Variants in CC2D1A observed in about 807,000 individuals in gnomAD.
CC2D1A encodes the protein coiled-coil and C2 domain containing 1A, also known as coiled-coil and C2 domain-containing protein 1A.
In CC2D1A, 68 loss-of-function variants were observed where a neutral mutation model predicts 123.8. The observed-to-expected ratio is 0.55, with a 90% CI of 0.45 to 0.67. The LOEUF (loss-of-function observed/expected upper bound fraction) is 0.67, where lower values mean the gene tolerates loss of function less well. Among genes scored for constraint, CC2D1A ranks in the 30% least tolerant of loss-of-function variants. The pLI is 0.00. For synonymous variants in CC2D1A, 477 were observed against 528.0 expected, an observed-to-expected ratio of 0.90 and a Z score of 1.32; for missense variants, 1,185 against 1,290.3, an observed-to-expected ratio of 0.92 and a Z score of 1.25.
rs373232030 is a variant in CC2D1A at position 13,927,313 on chromosome 19, C to T, written c.2316+48C>T. 1.4e-4 allele frequency: 206 copies of T among 1,461,224 alleles called. No homozygotes were observed. The South Asian group carries it at 2.1e-3, about 15-fold the overall frequency. The allele number at this position is 1,461,224 out of a possible 1,614,324, so 90.5% of individuals were successfully genotyped here. ...CGTGCTCCGGTATGGCCATGCTACT[C>T]GTTAACATTATTAAAACACTTCCTG... On this transcript the variant is annotated intron_variant, in intron 22 of 28. Transcript: ENST00000318003.
intron 1 of CC2D1A, among the ~76,000 whole-genome samples, chr19:13,907,750 A>G (rs1416478314): frequency 6.6e-6 from 1 of 152,196 alleles, no homozygotes; most frequent in African/African-American, 2.4e-5. Flanking sequence ...GAGACCCTAC[A>G]TTACAGGACA....
intron 14 of CC2D1A, among the ~76,000 whole-genome samples, chr19:13,922,388 G>C (rs1971439999): frequency 6.6e-6 from 1 of 152,170 alleles, no homozygotes; most frequent in Non-Finnish European, 1.5e-5. Flanking sequence ...CAACCTCAGG[G>C]CCTTTGCACA....
rs911533826 is a variant in CC2D1A at position 13,930,670 on chromosome 19, G to A, written c.*275G>A. 3.6e-5 allele frequency: 18 copies of A among 503,276 alleles called. No homozygotes were observed. Among genetic ancestry groups the A allele is most frequent in the Non-Finnish European group, 5.2e-5 (15 of 286,786 alleles). The allele number at this position is 503,276 out of a possible 1,614,324, so 31.2% of individuals were successfully genotyped here. ...GGGTGTCCGGCCTCTGGCCCGCCCC[G>A]GAGCAGGGAGGGTGGCTGGGGCCAA... On this transcript the variant is annotated 3_prime_UTR_variant, in exon 29 of 29. Coordinates refer to ENST00000318003, the MANE Select transcript of CC2D1A (RefSeq NM_017721.5). This position sits in a 1 kb window ranked among gnomAD's most constrained non-coding sequence, Gnocchi z 6.8.
intron 22 of CC2D1A, 56 bp downstream of exon 22, chr19:13,927,321 TTA>T: frequency 7.0e-7 from 1 of 1,421,984 alleles, no homozygotes; most frequent in Non-Finnish European, 9.9e-7. Context: ...CTCGTTAACA[TTA>T]TTAAAACACT....
chr19:13,928,024 G>A lies in CC2D1A; in HGVS notation c.2448G>A (p.Val816=), dbSNP rs1394448055. ...WLVIDPVPAA[V]PTQVAGPKGK... ...TCATTGACCCTGTGCCGGCAGCTGT[G>A]CCCACAGTGAGACCCCCCACCCCCA... is the stretch of plus-strand genomic sequence containing the variant. The change falls in exon 23 of 29, where the codon GTG becomes GTA. Residue 816 remains valine (V), a synonymous_variant. Coordinates refer to ENST00000318003, the MANE Select transcript of CC2D1A (RefSeq NM_017721.5). 2.5e-6 allele frequency: 4 copies of A among 1,613,550 alleles called. No individual in the cohort carries two copies. In the South Asian group the frequency reaches 4.4e-5, roughly 18 times the overall value.
chr19:13,930,223 G>A lies in CC2D1A; in HGVS notation c.2788-19G>A, dbSNP rs767655103. 8.7e-6 allele frequency: 14 copies of A among 1,613,696 alleles called. No homozygotes were observed. Among genetic ancestry groups the A allele is most frequent in the Admixed American group, 3.3e-5 (2 of 59,990 alleles). ...GTGGGGCCTGCAGGGACTACCTGCT[G>A]AATGCCCATCCCCCACAGGATGCTG... On this transcript the variant is annotated intron_variant, in intron 27 of 28. Transcript: ENST00000318003. The surrounding 1 kb of genome is among the most constrained non-coding windows in gnomAD (Gnocchi z 6.8).
chr19:13,928,704 CTTTTTTT>C (rs60455051), intron 24 of CC2D1A, among the ~76,000 whole-genome samples: 2 of 109,236 alleles, frequency 1.8e-5, no homozygotes, highest in East Asian at 2.4e-4. Context: ...CCCAGTGTGT[CTTTTTTT>C]TTTTTTTTTT....
Position 13,929,514 on chromosome 19 carries a change from G to A in CC2D1A, c.2584-20G>A, listed in dbSNP as rs367635734. On this transcript the variant is annotated intron_variant, in intron 25 of 28. Coordinates refer to ENST00000318003, the MANE Select transcript of CC2D1A (RefSeq NM_017721.5). ...TGCAGGCCCAGGCAGGATCCTCACA[G>A]GACCCTCTGTATCCTCTAGATCCTG... The A allele has an allele frequency of 3.7e-5, 59 of 1,612,258 alleles. No homozygotes were observed. Among genetic ancestry groups the A allele is most frequent in the Middle Eastern group, 1.6e-4 (1 of 6,084 alleles).
rs1033546846 is a variant in CC2D1A, at chr19:13,927,029, G to A, written c.2177G>A (p.Arg726Gln). 3.7e-6 allele frequency: 6 copies of A among 1,613,930 alleles called. No homozygotes were observed. The highest frequency in any genetic ancestry group is 2.2e-5 in the East Asian group (1 of 44,878). ...LCINRSHRGFRRAIQTKGIKF... is the reference protein window; with the variant it reads ...LCINRSHRGFQRAIQTKGIKF... Reference sequence around the variant, plus strand: ...ATCAACCGCAGCCACCGTGGCTTCCGAAGGGCCATCCAGACCAAGGGCATC... The same window carrying A: ...ATCAACCGCAGCCACCGTGGCTTCCAAAGGGCCATCCAGACCAAGGGCATC... The change falls in exon 21 of 29, where the codon CGA (arginine) becomes CAA (glutamine). Residue 726 changes from arginine (R) to glutamine (Q), a missense_variant. Coordinates refer to ENST00000318003, the MANE Select transcript of CC2D1A (RefSeq NM_017721.5).
intron 2 of CC2D1A, 72 bp from the exon 3 acceptor site, chr19:13,912,251 C>T (rs571507864): frequency 8.9e-6 from 13 of 1,462,654 alleles, no homozygotes; most frequent in African/African-American, 7.1e-5. Context: ...GATCACCTAG[C>T]GTGTCCAGGA....
rs1353500814 is a variant in CC2D1A, at chr19:13,906,638, G to T, written c.60+137G>T. ...CCGGTCCCCGCCTCCCCCCAGGTGA[G>T]GCTCCAACACCACCCAAGTGTGGCC... is the stretch of plus-strand genomic sequence containing the variant. On this transcript the variant is annotated intron_variant, in intron 1 of 28. Coordinates refer to ENST00000318003, the MANE Select transcript of CC2D1A (RefSeq NM_017721.5). This position sits in a 1 kb window ranked among gnomAD's most constrained non-coding sequence, Gnocchi z 4.1. 3.7e-6 allele frequency: 2 copies of T among 547,892 alleles called. No homozygotes were observed. The highest frequency in any genetic ancestry group is 7.0e-5 in the East Asian group (2 of 28,566). 33.9% of individuals were successfully genotyped at this position (547,892 alleles called of 1,614,324 possible).
intron 6 of CC2D1A, among the ~76,000 whole-genome samples, chr19:13,915,500 C>T (rs561927583): frequency 2.1e-4 from 32 of 152,200 alleles, no homozygotes; most frequent in African/African-American, 7.5e-4. Context: ...CCGCCTGCTC[C>T]GCCTCCCAAA....
chr19:13,915,151 G>C (rs780328020), intron 6 of CC2D1A, among the ~76,000 whole-genome samples: 1 of 152,260 alleles, frequency 6.6e-6, no homozygotes, highest in Non-Finnish European at 1.5e-5. Context: ...TGGAAGTTTG[G>C]CATAAAACTT....
In CC2D1A at chr19:13,930,132, G is replaced by A. The variant is rs762988712; in HGVS notation, c.2765G>A (p.Arg922His). 19 of 1,612,740 alleles carry A rather than the reference G, an allele frequency of 1.2e-5. No individual in the cohort carries two copies. The highest frequency in any genetic ancestry group is 3.3e-5 in the South Asian group (3 of 91,048). The change falls in exon 27 of 29, where the codon CGC (arginine) becomes CAC (histidine). Residue 922 changes from arginine (R) to histidine (H), a missense_variant. By Grantham distance (29) the Arg-to-His change is conservative. Transcript: ENST00000318003. This position sits in a 1 kb window ranked among gnomAD's most constrained non-coding sequence, Gnocchi z 6.8. The part of the protein sequence containing the change: ...QLQFYTEAAR[R>H]LGNDGSRDAA... ...CAGTTCTACACGGAGGCTGCCCGGCGCCTGGGCAACGATGGCAGCAGGGTG... is the reference window on the plus strand; with the variant it reads ...CAGTTCTACACGGAGGCTGCCCGGCACCTGGGCAACGATGGCAGCAGGGTG...
At chr19:13,914,509 T>C (rs1971131754) in intron 6 of CC2D1A, among the ~76,000 whole-genome samples, 1 of 151,796 alleles carries the variant, frequency 6.6e-6, no homozygotes, top group Non-Finnish European at 1.5e-5. Flanking sequence ...TAATTTTTTG[T>C]ATTTTTAGTA....
intron 17 of CC2D1A, 82 bp from the exon 18 acceptor site, chr19:13,926,435 G>A: frequency 7.4e-7 from 1 of 1,352,324 alleles, no homozygotes; most frequent in Admixed American, 2.0e-5. Flanking sequence ...CCCCCACTGG[G>A]GGAAGAGAAG....
chr19:13,909,101 A>G (rs577777988), intron 1 of CC2D1A, among the ~76,000 whole-genome samples: 1 of 152,104 alleles, frequency 6.6e-6, no homozygotes, highest in East Asian at 1.9e-4. Flanking sequence ...TAATTTTAAA[A>G]AGTTTTTTTT....
intron 2 of CC2D1A, among the ~76,000 whole-genome samples, chr19:13,911,543 GTGTTT>G (rs1970997404): frequency 1.4e-5 from 2 of 141,566 alleles, no homozygotes; most frequent in Admixed American, 6.8e-5. Context: ...TTGTGTGTGT[GTGTTT>G]TTTTTTTTTT....
rs1397020672 is a variant in CC2D1A, at chr19:13,930,311, G to A, written c.2835+22G>A. ...TGAGGTAAGCAGCTTAGGAGATGGG[G>A]TGGTTGGGGGATCACTGTGGTCGTA... is the stretch of plus-strand genomic sequence containing the variant. On this transcript the variant is annotated intron_variant, in intron 28 of 28. Transcript: ENST00000318003. The surrounding 1 kb of genome is among the most constrained non-coding windows in gnomAD (Gnocchi z 6.8). 11 of 1,613,808 alleles carry A rather than the reference G, an allele frequency of 6.8e-6. No homozygotes were observed. The Admixed American group carries it at 1.7e-4, about 24-fold the overall frequency.
Sources: gnomAD v4.1 joint callset for allele counts (sites outside exome capture counted in the v4.1 genomes callset) on GRCh38, gnomAD v4.1.1 for gene constraint, Gnocchi (gnomAD v3.1) non-coding constraint, MANE v1.5 for transcripts, NCBI Gene and HGNC (gene_info 2026-07-23, HGNC 2026-07-21) for gene names.